Variants in NFIA observed in about 807,000 individuals in gnomAD.
NFIA encodes nuclear factor I A, also known as nuclear factor 1 A-type.
A neutral mutation model predicts 62.8 loss-of-function variants in NFIA; 8 were observed. The ratio of observed to expected loss-of-function variants is 0.13; its 90% CI spans 0.07 to 0.23. NFIA has a LOEUF of 0.23. Ranked by LOEUF, NFIA falls within the 10% of genes least tolerant of loss-of-function variation. The pLI is 1.00. For missense variants in NFIA, 410 were observed against 642.1 expected (o/e 0.64, Z 3.91); for synonymous variants, 235 against 238.1 (o/e 0.99, Z 0.12).
chr1:61,147,933 T>C (rs1648126503), intron 2 of NFIA, among the ~76,000 whole-genome samples: 1 of 152,192 alleles, frequency 6.6e-6, no homozygotes, highest in Non-Finnish European at 1.5e-5. Flanking sequence ...GGGGGTTGGC[T>C]AATGTTCTTT....
upstream of NFIA, among the ~76,000 whole-genome samples, chr1:61,077,919 T>C (rs1449276302): frequency 6.6e-6 from 1 of 151,458 alleles, no homozygotes. Context: ...CTCCTAGCGC[T>C]TGCTCGGTTC....
chr1:61,315,513 G>A (rs931010922), intron 3 of NFIA, among the ~76,000 whole-genome samples: 61 of 152,266 alleles, frequency 4.0e-4, no homozygotes, highest in South Asian at 4.1e-4. Flanking sequence ...TTTGGTAATC[G>A]CAAAGCAGAA....
At chr1:61,263,915 G>A (rs1259527104) in intron 2 of NFIA, among the ~76,000 whole-genome samples, 5 of 151,992 alleles carry the variant, frequency 3.3e-5, no homozygotes, top group Non-Finnish European at 4.4e-5. Context: ...GCTTGAACCC[G>A]GGAGGCAGAG....
chr1:61,357,831 C>T (rs1287540904), intron 5 of NFIA, among the ~76,000 whole-genome samples: 1 of 152,108 alleles, frequency 6.6e-6, no homozygotes, highest in East Asian at 1.9e-4. Context: ...TTTCCCAACA[C>T]GCACTCCCAG....
chr1:61,112,927 G>A (rs1646729388), intron 2 of NFIA, among the ~76,000 whole-genome samples: 1 of 152,042 alleles, frequency 6.6e-6, no homozygotes. Context: ...AATTTTTATA[G>A]TGACTGTGGA....
chr1:61,207,417 A>G (rs768519519), intron 2 of NFIA, among the ~76,000 whole-genome samples: 3 of 151,950 alleles, frequency 2.0e-5, no homozygotes, highest in South Asian at 2.1e-4. Flanking sequence ...TCCTTTTTTT[A>G]TTGTTTTTTA....
chr1:61,295,525 TG>T (rs1321332639), intron 3 of NFIA, among the ~76,000 whole-genome samples: 1 of 152,118 alleles, frequency 6.6e-6, no homozygotes, highest in Non-Finnish European at 1.5e-5. Flanking sequence ...AGGAAGAGTG[TG>T]GTCGTCTAAT....
chr1:61,094,745 G>T (rs963588496), intron 2 of NFIA, among the ~76,000 whole-genome samples: 1 of 152,098 alleles, frequency 6.6e-6, no homozygotes, highest in African/African-American at 2.4e-5. Context: ...AGACAGAAAT[G>T]ACTTTTTTCC....
At chr1:61,454,074 T>G (rs1283479121) in intron 10 of NFIA, among the ~76,000 whole-genome samples, 1 of 152,216 alleles carries the variant, frequency 6.6e-6, no homozygotes. Context: ...GGGGACCAAA[T>G]GAGTCCTTAC....
At chr1:61,327,000 C>T (rs954837832) in intron 3 of NFIA, among the ~76,000 whole-genome samples, 1 of 150,378 alleles carries the variant, frequency 6.6e-6, no homozygotes, top group African/African-American at 2.4e-5. Context: ...TTCTGTGGGG[C>T]TCTTGCAAGC....
At chr1:61,394,065 T>G (rs1270857321) in intron 7 of NFIA, among the ~76,000 whole-genome samples, 1 of 152,232 alleles carries the variant, frequency 6.6e-6, no homozygotes, top group Non-Finnish European at 1.5e-5. Context: ...TGGCACACAG[T>G]AGATTCTCAA....
intron 10 of NFIA, among the ~76,000 whole-genome samples, chr1:61,444,909 G>A (rs1667739870): frequency 1.3e-5 from 2 of 152,208 alleles, no homozygotes; most frequent in Admixed American, 6.5e-5. Flanking sequence ...ATAATAAAGT[G>A]ACAGTAGAGG....
At chr1:61,375,189 T>G (rs1219607089) in intron 6 of NFIA, among the ~76,000 whole-genome samples, 4 of 152,208 alleles carry the variant, frequency 2.6e-5, no homozygotes, top group Admixed American at 2.6e-4. Flanking sequence ...TAGAGTGCAG[T>G]ATAGCTCTGC....
chr1:61,411,858 C>T (rs1666119522), intron 9 of NFIA, among the ~76,000 whole-genome samples: 1 of 151,210 alleles, frequency 6.6e-6, no homozygotes, highest in Non-Finnish European at 1.5e-5. Context: ...AGCAGAAGAA[C>T]CAGCCAGTAG....
At position 61,174,085 on chromosome 1, in the gene NFIA, T is replaced by G. The variant is rs142629581; in HGVS notation, c.559+85405T>G. On this transcript the variant is annotated intron_variant, in intron 2 of 10. Coordinates refer to ENST00000403491, the MANE Select transcript of NFIA (RefSeq NM_001134673.4). ...TGTTTTCTCCACTGTAAGCACTGTT[T>G]GTTATCTTTCAGCTTTCATTTTGTC... 9.1e-3 allele frequency among the ~76,000 whole-genome samples: 1,389 copies of G among 152,326 alleles called. 17 individuals carry two copies. Among genetic ancestry groups the G allele is most frequent in the Middle Eastern group, 0.061 (18 of 294 alleles).
intron 5 of NFIA, among the ~76,000 whole-genome samples, chr1:61,354,593 C>T (rs1250403896): frequency 6.6e-6 from 1 of 152,118 alleles, no homozygotes; most frequent in Non-Finnish European, 1.5e-5. Flanking sequence ...AGTCACAGTC[C>T]TAGTGAATAG....
At chr1:61,083,738 C>G (rs1330712257) in intron 1 of NFIA, among the ~76,000 whole-genome samples, 1 of 151,336 alleles carries the variant, frequency 6.6e-6, no homozygotes, top group Non-Finnish European at 1.5e-5. Flanking sequence ...AGCGGCGGCC[C>G]GGGCCGGACA....
At chr1:61,130,678 G>A (rs1232924725) in intron 2 of NFIA, among the ~76,000 whole-genome samples, 1 of 152,142 alleles carries the variant, frequency 6.6e-6, no homozygotes, top group Admixed American at 6.5e-5. Flanking sequence ...TGAGTGTGTG[G>A]GGGGGCGTAC....
chr1:61,305,575 T>A (rs76252862), intron 3 of NFIA, among the ~76,000 whole-genome samples: 3,313 of 152,326 alleles, frequency 0.022, 58 homozygotes, highest in Non-Finnish European at 0.034. Flanking sequence ...GCAGATAAAC[T>A]GAGAGCCTAG....
Sources: gnomAD v4.1 joint callset for allele counts (sites outside exome capture counted in the v4.1 genomes callset) on GRCh38, gnomAD v4.1.1 for gene constraint, MANE v1.5 for transcripts, NCBI Gene and HGNC (gene_info 2026-07-23, HGNC 2026-07-21) for gene names.